Variants in ARAP2 observed in about 807,000 individuals in gnomAD.
The protein encoded by ARAP2 is arf-GAP with Rho-GAP domain, ANK repeat and PH domain-containing protein 2.
Under a neutral mutation model 194.5 loss-of-function variants are expected in ARAP2, and 148 were observed. That is an observed-to-expected ratio of 0.76 (90% confidence interval 0.67 to 0.87). The LOEUF is 0.87. ARAP2 is among the 40% of genes least tolerant of loss of function. The probability of loss-of-function intolerance (pLI) is 0.00; values close to 1 mark genes in which losing one functional copy is unlikely to be tolerated. For missense variants in ARAP2, 2,128 were observed against 1,989.7 expected, an observed-to-expected ratio of 1.07 and a Z score of -1.32; for synonymous variants, 695 against 683.5, an observed-to-expected ratio of 1.02 and a Z score of -0.26.
At chr4:36,036,918 T>C (rs1016790066) in intron 5 of ARAP2, among the ~76,000 whole-genome samples, 46 of 152,208 alleles carry the variant, frequency 3.0e-4, no homozygotes, top group African/African-American at 1.1e-3. Flanking sequence ...TTGGTTCTTA[T>C]GTAATTTAAT....
intron 1 of ARAP2, among the ~76,000 whole-genome samples, chr4:36,238,578 G>T (rs368186169): frequency 6.6e-6 from 1 of 152,122 alleles, no homozygotes; most frequent in Non-Finnish European, 1.5e-5. Flanking sequence ...ATTCACACTA[G>T]GGAAATGCTG....
At chr4:36,076,722 C>T (rs956817678) in intron 31 of ARAP2, among the ~76,000 whole-genome samples, 24 of 152,018 alleles carry the variant, frequency 1.6e-4, no homozygotes, top group Non-Finnish European at 2.8e-4. Context: ...GTGCTGACTT[C>T]CCCCAAATTT....
intron 8 of ARAP2, among the ~76,000 whole-genome samples, chr4:36,185,338 G>C (rs1195625115): frequency 5.9e-5 from 9 of 152,034 alleles, no homozygotes; most frequent in Admixed American, 5.9e-4. Context: ...TCTACTTTAA[G>C]CAATGCACTT....
At chr4:36,125,447 G>A (rs1298313238) in intron 21 of ARAP2, among the ~76,000 whole-genome samples, 5 of 151,900 alleles carry the variant, frequency 3.3e-5, no homozygotes, top group African/African-American at 1.2e-4. Flanking sequence ...CCAAAGCTAT[G>A]AACTATCCTG....
chr4:36,170,268 T>C (rs1172794398), intron 9 of ARAP2, among the ~76,000 whole-genome samples: 5 of 152,200 alleles, frequency 3.3e-5, no homozygotes, highest in Non-Finnish European at 7.3e-5. Flanking sequence ...AGTATAAGTA[T>C]GCAATATGTA....
At chr4:36,114,697 G>C (rs576073719) in intron 25 of ARAP2, among the ~76,000 whole-genome samples, 1 of 152,066 alleles carries the variant, frequency 6.6e-6, no homozygotes, top group East Asian at 2.0e-4. Context: ...ATTATACACA[G>C]TCAATGGCTA....
chr4:36,168,192 T>C (rs1314080363), intron 9 of ARAP2, among the ~76,000 whole-genome samples: 1 of 152,118 alleles, frequency 6.6e-6, no homozygotes, highest in Non-Finnish European at 1.5e-5. Context: ...TTCAATCAAA[T>C]TTAAGCAACT....
intron 24 of ARAP2, among the ~76,000 whole-genome samples, chr4:36,117,450 T>C (rs34716116): frequency 0.23 from 34,273 of 151,684 alleles, 4,872 homozygotes; most frequent in South Asian, 0.32. Flanking sequence ...AGATATATGC[T>C]GGCTGTGACA....
chr4:36,113,176 T>C (rs1017792529), intron 26 of ARAP2, among the ~76,000 whole-genome samples: 2 of 151,944 alleles, frequency 1.3e-5, no homozygotes, highest in Non-Finnish European at 1.5e-5. Context: ...TCTGGGAACT[T>C]GACAGTTGGG....
intron 6 of ARAP2, among the ~76,000 whole-genome samples, chr4:36,205,918 T>C (rs1031776150): frequency 3.3e-5 from 5 of 152,244 alleles, no homozygotes; most frequent in African/African-American, 4.8e-5. Context: ...TACAAGTAGC[T>C]AGTGCTTTGA....
intron 8 of ARAP2, among the ~76,000 whole-genome samples, chr4:36,185,294 C>T (rs998368002): frequency 6.6e-6 from 1 of 152,188 alleles, no homozygotes; most frequent in Non-Finnish European, 1.5e-5. Flanking sequence ...TACATCTATA[C>T]ACTATGTACA....
At chr4:36,127,129 C>T (rs914254064) in intron 21 of ARAP2, among the ~76,000 whole-genome samples, 2 of 152,068 alleles carry the variant, frequency 1.3e-5, no homozygotes, top group African/African-American at 4.8e-5. Context: ...AGCCACTGTG[C>T]CCAGTCTTGC....
intron 28 of ARAP2, among the ~76,000 whole-genome samples, chr4:36,085,112 G>A (rs903568280): frequency 2.0e-5 from 3 of 151,972 alleles, no homozygotes; most frequent in African/African-American, 7.2e-5. Flanking sequence ...GTTTGTACTA[G>A]TTCTTTATGT....
intron 15 of ARAP2, 44 bp downstream of exon 15, chr4:36,158,686 T>C (rs775438547): frequency 6.7e-7 from 1 of 1,492,062 alleles, no homozygotes; most frequent in South Asian, 1.3e-5. Context: ...GATAATGGAA[T>C]AAAGTTTTTA....
At chr4:36,183,192 T>C (rs1739676913) in intron 8 of ARAP2, among the ~76,000 whole-genome samples, 2 of 152,188 alleles carry the variant, frequency 1.3e-5, no homozygotes, top group South Asian at 2.1e-4. Flanking sequence ...AAATGTTTCA[T>C]GCCTTGCTTT....
chr4:36,063,981 C>T (rs1159717029), downstream of ARAP2, among the ~76,000 whole-genome samples: 1 of 152,140 alleles, frequency 6.6e-6, no homozygotes, highest in Non-Finnish European at 1.5e-5. Context: ...AAAAATTATG[C>T]AATTCAGCAG....
At chr4:36,164,767 T>C (rs1487708767) in intron 11 of ARAP2, 147 bp downstream of exon 11, 3 of 784,718 alleles carry the variant, frequency 3.8e-6, no homozygotes, top group Non-Finnish European at 6.0e-6. Flanking sequence ...TTTAGACTCA[T>C]ATTTCTGAAT....
intron 28 of ARAP2, among the ~76,000 whole-genome samples, chr4:36,087,523 G>A (rs1231524591): frequency 6.6e-6 from 1 of 152,004 alleles, no homozygotes; most frequent in African/African-American, 2.4e-5. Context: ...CTCAGATTGA[G>A]CAAGATGATC....
intron 5 of ARAP2, among the ~76,000 whole-genome samples, chr4:36,025,201 G>GT (rs751105752): frequency 3.9e-5 from 6 of 152,172 alleles, no homozygotes; most frequent in Non-Finnish European, 7.3e-5. Context: ...ACTTTAAGAA[G>GT]TAAGTGGCTT....
Sources: gnomAD v4.1 joint callset for allele counts (sites outside exome capture counted in the v4.1 genomes callset) on GRCh38, gnomAD v4.1.1 for gene constraint, MANE v1.5 for transcripts, NCBI Gene and HGNC (gene_info 2026-07-23, HGNC 2026-07-21) for gene names.